CEP83: variants seen among roughly 807,000 people sequenced by gnomAD.
CEP83 encodes centrosomal protein of 83 kDa.
In CEP83, 70 loss-of-function variants were observed where a neutral mutation model predicts 101.9. The observed-to-expected ratio is 0.69, with a 90% CI of 0.57 to 0.84. The LOEUF is 0.84. Ranked by LOEUF, CEP83 falls within the 40% of genes least tolerant of loss-of-function variation. The pLI is 0.00. For synonymous variants in CEP83, 264 were observed against 267.9 expected (o/e 0.99, Z 0.14); for missense variants, 715 against 787.2 (o/e 0.91, Z 1.10).
intron 11 of CEP83, among the ~76,000 whole-genome samples, chr12:94,362,460 A>G (rs1400179335): frequency 6.6e-6 from 1 of 152,172 alleles, no homozygotes; most frequent in East Asian, 1.9e-4. Context: ...TCTCTACTAA[A>G]AATAACAGTC....
In CEP83 at chr12:94,308,223, TAG is replaced by T. The variant is rs1434436229; in HGVS notation, c.*588_*589del. On this transcript the variant is annotated 3_prime_UTR_variant, in exon 17 of 17. Coordinates refer to ENST00000397809, the MANE Select transcript of CEP83 (RefSeq NM_016122.3). ...TCTATTCTAACAAAGCCAAAATCAG[TAG>T]ACTGTCATATTGCTAAATATATGCT... 1 of 152,164 alleles carries T rather than the reference TAG, an allele frequency of 6.6e-6. No homozygotes were observed. The allele number at this position is 152,164 out of a possible 1,614,324, so 9.4% of individuals were successfully genotyped here.
the CEP83 span, chr12:94,298,534 A>ATTAT: frequency 9.8e-7 from 1 of 1,015,794 alleles, no homozygotes; most frequent in South Asian, 1.7e-5. Flanking sequence ...TGTTTTGAAC[A>ATTAT]TTATTTTCTC....
Position 94,335,599 on chromosome 12 carries a change from T to G in CEP83, c.1409A>C (p.Asp470Ala). ...TCGCTAAAATCATACCTGTTTTAGG[T>G]CAGAATTTTCATTTTTTTCCTTCTC... The part of the protein sequence containing the change: ...NAEKEKNENS[D>A]LKQQISSLQI... Residue 470 changes from aspartate to alanine, a missense_variant, in exon 12 of 17, where the codon GAC becomes GCC. Asp to Ala is a moderately radical substitution (Grantham distance 126). Transcript: ENST00000397809. 6.4e-7 allele frequency: 1 copy of G among 1,570,152 alleles called. No homozygotes were observed. The highest frequency in any genetic ancestry group is 1.2e-5 in the South Asian group (1 of 85,946).
At chr12:94,285,510 T>G in the CEP83 span, among the ~76,000 whole-genome samples, 1 of 152,176 alleles carries the variant, frequency 6.6e-6, no homozygotes, top group Admixed American at 6.5e-5. Flanking sequence ...CTCCTATAGC[T>G]CAGACTTGCC....
intron 11 of CEP83, among the ~76,000 whole-genome samples, chr12:94,362,051 A>T (rs1177465732): frequency 6.6e-6 from 1 of 152,176 alleles, no homozygotes; most frequent in African/African-American, 2.4e-5. Context: ...AATAAACAAG[A>T]AACTCAAACA....
At chr12:94,399,603 C>T (rs2063129389) in intron 6 of CEP83, among the ~76,000 whole-genome samples, 1 of 151,992 alleles carries the variant, frequency 6.6e-6, no homozygotes, top group Non-Finnish European at 1.5e-5. Flanking sequence ...TGAGGTAGTA[C>T]ATGCCTGTGG....
At chr12:94,325,156 A>G (rs1593159783) in intron 14 of CEP83, among the ~76,000 whole-genome samples, 1 of 145,048 alleles carries the variant, frequency 6.9e-6, no homozygotes, top group African/African-American at 2.5e-5. Context: ...AGCACCCCCT[A>G]CTCCTGTCAA....
chr12:94,430,489 T>C (rs1355298907), intron 2 of CEP83, among the ~76,000 whole-genome samples: 1 of 150,234 alleles, frequency 6.7e-6, no homozygotes, highest in African/African-American at 2.5e-5. Context: ...AAAATACATT[T>C]GAAAGCTTCA....
chr12:94,413,801 TTC>T (rs2064066228), intron 2 of CEP83, among the ~76,000 whole-genome samples: 1 of 149,524 alleles, frequency 6.7e-6, no homozygotes, highest in East Asian at 2.0e-4. Flanking sequence ...CTCCTTTAAT[TTC>T]TTTCTCTAGT....
intron 12 of CEP83, among the ~76,000 whole-genome samples, chr12:94,334,590 G>A (rs2059376307): frequency 6.6e-6 from 1 of 152,066 alleles, no homozygotes; most frequent in African/African-American, 2.4e-5. Flanking sequence ...CCTATTATGA[G>A]ATTCAAGGGT....
the CEP83 span, among the ~76,000 whole-genome samples, chr12:94,284,414 G>GTTAGGTCAGA: frequency 6.6e-6 from 1 of 152,144 alleles, no homozygotes; most frequent in African/African-American, 2.4e-5. Flanking sequence ...GATGGAGTTG[G>GTTAGGTCAGA]TTAGGTCAGA....
rs139051806 is a variant in CEP83 at position 94,402,737 on chromosome 12, A to C, written c.417+433T>G. 7.8e-4 allele frequency: 119 copies of C among 152,682 alleles called. 1 individual carries two copies. In the East Asian group the frequency reaches 0.022, roughly 28 times the overall value. 9.5% of individuals were successfully genotyped at this position (152,682 alleles called of 1,614,324 possible). On this transcript the variant is annotated intron_variant, in intron 5 of 16. Coordinates refer to ENST00000397809, the MANE Select transcript of CEP83 (RefSeq NM_016122.3). The stretch of plus-strand genomic sequence containing the variant: ...AATATGGTGAAACCCCGTTTCTACT[A>C]AAAATACAAAAATTAGCCAGGTACG...
intron 2 of CEP83, among the ~76,000 whole-genome samples, chr12:94,417,912 T>C (rs1444674383): frequency 1.3e-5 from 2 of 152,056 alleles, no homozygotes; most frequent in East Asian, 1.9e-4. Flanking sequence ...GACAGGAATG[T>C]TATGGTTATC....
chr12:94,413,009 C>G (rs543928851), intron 2 of CEP83, among the ~76,000 whole-genome samples: 2 of 152,090 alleles, frequency 1.3e-5, no homozygotes, highest in Admixed American at 1.3e-4. Context: ...CCCGCCACCA[C>G]GCTCGGCTAA....
chr12:94,352,264 C>T (rs1233693416), intron 11 of CEP83, among the ~76,000 whole-genome samples: 3 of 151,720 alleles, frequency 2.0e-5, no homozygotes, highest in African/African-American at 7.3e-5. Context: ...ACTAAAAATA[C>T]AAAAAATTAC....
At chr12:94,307,035 C>T (rs1209638162), downstream of CEP83, 1 of 152,070 alleles carries the variant, frequency 6.6e-6, no homozygotes. Context: ...GGAGAGTTGC[C>T]CAAAAGACTT....
intron 7 of CEP83, among the ~76,000 whole-genome samples, chr12:94,377,505 G>A (rs903497396): frequency 1.3e-5 from 2 of 151,980 alleles, no homozygotes; most frequent in South Asian, 2.1e-4. Flanking sequence ...GACTATATTC[G>A]ACAAACAATT....
chr12:94,367,147 A>T (rs1001032155), intron 11 of CEP83, among the ~76,000 whole-genome samples: 6 of 152,260 alleles, frequency 3.9e-5, no homozygotes, highest in African/African-American at 1.4e-4. Context: ...TTATCAATGG[A>T]TACTAAAATT....
chr12:94,440,218 T>C (rs1184990717), intron 1 of CEP83, among the ~76,000 whole-genome samples: 3 of 152,094 alleles, frequency 2.0e-5, no homozygotes, highest in Admixed American at 2.0e-4. Flanking sequence ...ATCAAGAGCA[T>C]CCAAAGTGGT....
Sources: gnomAD v4.1 joint callset for allele counts (sites outside exome capture counted in the v4.1 genomes callset) on GRCh38, gnomAD v4.1.1 for gene constraint, MANE v1.5 for transcripts, NCBI Gene and HGNC (gene_info 2026-07-23, HGNC 2026-07-21) for gene names.